The following PCDH11X variants were observed in gnomAD, a reference collection of about 807,000 sequenced individuals.
The protein encoded by PCDH11X is protocadherin 11 X-linked.
In PCDH11X, 18 loss-of-function variants were observed where a neutral mutation model predicts 53.3. The observed-to-expected ratio is 0.34, with a 90% CI of 0.23 to 0.50. The LOEUF (loss-of-function observed/expected upper bound fraction) is 0.50, where lower values mean the gene tolerates loss of function less well. PCDH11X is among the 20% of genes least tolerant of loss of function. PCDH11X has a pLI of 0.98. For missense variants in PCDH11X, 570 were observed against 1,032.4 expected, an observed-to-expected ratio of 0.55 and a Z score of 6.14; for synonymous variants, 279 against 393.3, an observed-to-expected ratio of 0.71 and a Z score of 3.44.
chrX:92,281,371 T>G (rs1032860537), intron 8 of PCDH11X, among the ~76,000 whole-genome samples: 1 of 112,006 alleles, frequency 8.9e-6, no homozygotes, highest in East Asian at 2.8e-4. Flanking sequence ...CTACCTGACT[T>G]TAATTTATGT....
chrX:92,352,646 T>C (rs753684168), intron 8 of PCDH11X, among the ~76,000 whole-genome samples: 117 of 110,572 alleles, frequency 1.1e-3, no homozygotes, highest in African/African-American at 3.1e-3. Flanking sequence ...GGCTCAAAGT[T>C]GCTGTTCAGA....
chrX:92,443,881 A>T (rs1171136456), intron 9 of PCDH11X, among the ~76,000 whole-genome samples: 1 of 111,668 alleles, frequency 9.0e-6, no homozygotes, highest in Non-Finnish European at 1.9e-5. Context: ...CTGTTTCATT[A>T]GTCTACATGA....
chrX:92,383,654 C>T, intron 8 of PCDH11X, among the ~76,000 whole-genome samples: 1 of 111,655 alleles, frequency 9.0e-6, no homozygotes, highest in Non-Finnish European at 1.9e-5. Flanking sequence ...AGGAAATGAA[C>T]TCATCCTCTT....
intron 6 of PCDH11X, among the ~76,000 whole-genome samples, chrX:91,998,092 C>T (rs1200642030): frequency 9.0e-6 from 1 of 110,592 alleles, no homozygotes; most frequent in African/African-American, 3.3e-5. Context: ...CACCACCATG[C>T]CCTGCTAATT....
chrX:91,978,803 C>T (rs1236611654), intron 6 of PCDH11X, among the ~76,000 whole-genome samples: 4 of 112,512 alleles, frequency 3.6e-5, no homozygotes, highest in Admixed American at 2.8e-4. Context: ...TTCTAGACAT[C>T]GCAGTTTGGT....
intron 8 of PCDH11X, among the ~76,000 whole-genome samples, chrX:92,382,353 G>A (rs1347078252): frequency 9.0e-6 from 1 of 110,975 alleles, no homozygotes; most frequent in Non-Finnish European, 1.9e-5. Context: ...CGTGTGCAAG[G>A]TTGTATAAGT....
intron 10 of PCDH11X, among the ~76,000 whole-genome samples, chrX:92,527,486 T>C (rs2074476787): frequency 9.0e-6 from 1 of 111,126 alleles, no homozygotes; most frequent in Admixed American, 9.6e-5. Context: ...ATATTTGAAA[T>C]TAGTGAACAC....
intron 6 of PCDH11X, among the ~76,000 whole-genome samples, chrX:92,012,484 T>G (rs1417580130): frequency 1.8e-5 from 2 of 111,758 alleles, no homozygotes; most frequent in Non-Finnish European, 3.8e-5. Context: ...TACAAAATGT[T>G]TATAAATAAT....
chrX:92,419,477 C>T (rs1301157275), intron 9 of PCDH11X, among the ~76,000 whole-genome samples: 2 of 106,661 alleles, frequency 1.9e-5, no homozygotes, highest in African/African-American at 6.8e-5. Flanking sequence ...TTTTTGTTGA[C>T]GGACATAGTT....
At chrX:92,498,148 C>T (rs2148691972) in intron 10 of PCDH11X, among the ~76,000 whole-genome samples, 1 of 111,385 alleles carries the variant, frequency 9.0e-6, no homozygotes, top group Non-Finnish European at 1.9e-5. Context: ...ATAATTTGAC[C>T]GTTATTTCAG....
At chrX:92,226,737 C>A (rs1345173739) in intron 7 of PCDH11X, among the ~76,000 whole-genome samples, 1 of 110,596 alleles carries the variant, frequency 9.0e-6, no homozygotes, top group Admixed American at 9.7e-5. Context: ...GGCTGCCAGA[C>A]GGGAGGGCAG....
intron 6 of PCDH11X, among the ~76,000 whole-genome samples, chrX:92,164,854 C>T (rs1407665464): frequency 9.3e-6 from 1 of 107,778 alleles, no homozygotes; most frequent in Non-Finnish European, 1.9e-5. Context: ...GAATGAGTCT[C>T]AAGAGACCTG....
At chrX:91,785,219 T>C (rs779343892) in intron 1 of PCDH11X, among the ~76,000 whole-genome samples, 7 of 97,233 alleles carry the variant, frequency 7.2e-5, no homozygotes, top group African/African-American at 2.7e-4. Context: ...CCTCCCCCCC[T>C]CCTCCTTTTT....
At chrX:92,139,253 T>C (rs1164998715) in intron 6 of PCDH11X, among the ~76,000 whole-genome samples, 1 of 100,443 alleles carries the variant, frequency 1.0e-5, no homozygotes, top group African/African-American at 4.0e-5. Flanking sequence ...TTTTTCTTTT[T>C]CTTTCTTTCT....
chrX:91,951,812 A>C (rs1243796045), intron 6 of PCDH11X, among the ~76,000 whole-genome samples: 7 of 111,587 alleles, frequency 6.3e-5, no homozygotes, highest in Admixed American at 5.7e-4. Flanking sequence ...TTACATTTTC[A>C]TTATTAAGGA....
intron 6 of PCDH11X, among the ~76,000 whole-genome samples, chrX:92,035,073 C>CT (rs1383530174): frequency 9.0e-6 from 1 of 110,669 alleles, no homozygotes; most frequent in Non-Finnish European, 1.9e-5. Flanking sequence ...TAGTTTTTAA[C>CT]TTTTTTGTTT....
chrX:92,607,625 C>A (rs1014793999), intron 10 of PCDH11X, among the ~76,000 whole-genome samples: 1 of 111,628 alleles, frequency 9.0e-6, no homozygotes, highest in Admixed American at 9.5e-5. Flanking sequence ...CTACATCTCA[C>A]GAAAATTGTT....
rs190188796 is a variant in PCDH11X at position 92,274,313 on chromosome X, C to T, written c.3144+11170C>T. On this transcript the variant is annotated intron_variant, in intron 8 of 10. Coordinates refer to ENST00000682573, the MANE Select transcript of PCDH11X (RefSeq NM_032968.5). Reference sequence around the variant, plus strand: ...TAGTCCGTTCTACTTTTCTTGTAGACGGAGGACGGTAAGGGATATAATGGT... The same window carrying T: ...TAGTCCGTTCTACTTTTCTTGTAGATGGAGGACGGTAAGGGATATAATGGT... Among the ~76,000 whole-genome samples the T allele has an allele frequency of 7.1e-3, 759 of 106,911 alleles. 17 individuals carry two copies. Among genetic ancestry groups the T allele is most frequent in the African/African-American group, 0.026 (695 of 27,110 alleles). 92.8% of individuals were successfully genotyped at this position (106,911 alleles called of 115,157 possible). A position where few individuals can be genotyped will look rare whatever the true frequency, so the allele number is the denominator to read the frequency against.
chrX:92,026,164 A>G (rs1419795753), intron 6 of PCDH11X, among the ~76,000 whole-genome samples: 1 of 110,121 alleles, frequency 9.1e-6, no homozygotes. Flanking sequence ...GTTTACCTAT[A>G]TAACAAACCT....
Sources: gnomAD v4.1 joint callset for allele counts (sites outside exome capture counted in the v4.1 genomes callset) on GRCh38, gnomAD v4.1.1 for gene constraint, MANE v1.5 for transcripts, NCBI Gene and HGNC (gene_info 2026-07-23, HGNC 2026-07-21) for gene names.